Variants in TXNDC5 observed in about 807,000 individuals in gnomAD.
TXNDC5 encodes thioredoxin domain-containing protein 5.
TXNDC5 carries 44 observed loss-of-function variants against 52.6 expected under a neutral mutation model. The observed-to-expected ratio is 0.84, with a 90% CI of 0.66 to 1.08. The LOEUF (loss-of-function observed/expected upper bound fraction) is 1.08. TXNDC5 is among the 50% of genes least tolerant of loss of function. TXNDC5 has a pLI of 0.00. For synonymous variants in TXNDC5, 241 were observed against 234.4 expected (o/e 1.03, Z -0.26); for missense variants, 600 against 565.5 (o/e 1.06, Z -0.62).
At chr6:7,904,332 G>A (rs888960491) in intron 2 of TXNDC5, among the ~76,000 whole-genome samples, 4 of 152,082 alleles carry the variant, frequency 2.6e-5, no homozygotes, top group East Asian at 1.9e-4. Context: ...TGGCGGGACC[G>A]TCATTTTTCT....
At chr6:7,910,378 G>A (rs1379289617) in intron 1 of TXNDC5, 136 bp downstream of exon 1, 7 of 1,029,014 alleles carry the variant, frequency 6.8e-6, no homozygotes, top group Non-Finnish European at 7.3e-6. Flanking sequence ...CGAGCCCCGC[G>A]CCCGTAGCAC....
rs968950944 is a variant in TXNDC5 at position 7,883,030 on chromosome 6, G to A, written c.*114C>T. ...ACACAAAGAAGATACCTCACGCTTAGTATGTTCTGCTTTCTGAACAGCCAC... is the reference window on the plus strand; with the variant it reads ...ACACAAAGAAGATACCTCACGCTTAATATGTTCTGCTTTCTGAACAGCCAC... On this transcript the variant is annotated 3_prime_UTR_variant, in exon 10 of 10. Transcript: ENST00000379757. 50 of 1,427,634 alleles carry A rather than the reference G, an allele frequency of 3.5e-5. No homozygotes were observed. The highest frequency in any genetic ancestry group is 7.4e-5 in the South Asian group (6 of 81,496). The allele number at this position is 1,427,634 out of a possible 1,614,324, so 88.4% of individuals were successfully genotyped here.
chr6:7,887,506 G>A (rs200182614), intron 7 of TXNDC5, among the ~76,000 whole-genome samples: 3 of 128,972 alleles, frequency 2.3e-5, no homozygotes, highest in South Asian at 2.4e-4. Flanking sequence ...CTCCCTCTCC[G>A]CGCTGCACAG....
rs758017006 is a variant in TXNDC5 at position 7,910,519 on chromosome 6, C to A, written c.258G>T (p.Ala86=). ...QSAAHFVMFF[A]PWCGHCQRLQ... Reference sequence around the variant, plus strand: ...GCCGGCCTGCGCGGCGTTACCAGGGCGCGAAGAACATGACGAAGTGCGCGG... The same window carrying A: ...GCCGGCCTGCGCGGCGTTACCAGGGAGCGAAGAACATGACGAAGTGCGCGG... Residue 86 remains alanine, a synonymous_variant, in exon 1 of 10, where the codon GCG becomes GCT. Coordinates refer to ENST00000379757, the MANE Select transcript of TXNDC5 (RefSeq NM_030810.5). 4 of 1,441,942 alleles carry A rather than the reference C, an allele frequency of 2.8e-6. No homozygotes were observed. Among genetic ancestry groups the A allele is most frequent in the South Asian group, 2.6e-5 (2 of 77,906 alleles). The allele number at this position is 1,441,942 out of a possible 1,614,324, so 89.3% of individuals were successfully genotyped here. A position where few individuals can be genotyped will look rare whatever the true frequency, so the allele number is the denominator to read the frequency against.
intron 8 of TXNDC5, among the ~76,000 whole-genome samples, chr6:7,885,554 T>A (rs922561778): frequency 3.9e-5 from 6 of 152,226 alleles, no homozygotes; most frequent in Admixed American, 3.9e-4. Context: ...ATCCGAGTAC[T>A]TAAAAGAACC....
At chr6:7,888,648 T>C in intron 7 of TXNDC5, 57 bp downstream of exon 7, 1 of 1,394,536 alleles carries the variant, frequency 7.2e-7, no homozygotes, top group South Asian at 1.3e-5. Flanking sequence ...GGTGGGGAGG[T>C]GGGGGGCCGG....
At chr6:7,902,072 G>A (rs547865319) in intron 2 of TXNDC5, among the ~76,000 whole-genome samples, 2 of 152,248 alleles carry the variant, frequency 1.3e-5, no homozygotes, top group Middle Eastern at 6.8e-3. Context: ...GACAGAGGAC[G>A]GCAGTGATGC....
Position 7,882,910 on chromosome 6 carries a change from G to A in TXNDC5, c.*234C>T. 1 of 471,624 alleles carries A rather than the reference G, an allele frequency of 2.1e-6. No individual in the cohort carries two copies. Among genetic ancestry groups the A allele is most frequent in the Non-Finnish European group, 3.7e-6 (1 of 271,756 alleles). 29.2% of individuals were successfully genotyped at this position (471,624 alleles called of 1,614,324 possible). Reference sequence around the variant, plus strand: ...AGGTCAAAGGGGATATATCGCCACTGAAAATGTTTACACAGTGACCATGAG... The same window carrying A: ...AGGTCAAAGGGGATATATCGCCACTAAAAATGTTTACACAGTGACCATGAG... On this transcript the variant is annotated 3_prime_UTR_variant, in exon 10 of 10. Coordinates refer to ENST00000379757, the MANE Select transcript of TXNDC5 (RefSeq NM_030810.5).
At chr6:7,892,903 T>C (rs1057509119) in intron 4 of TXNDC5, among the ~76,000 whole-genome samples, 2 of 152,220 alleles carry the variant, frequency 1.3e-5, no homozygotes, top group African/African-American at 4.8e-5. Context: ...AAGTGCCTTC[T>C]TGGAGAAGGG....
chr6:7,891,913 C>A (rs1760204998), intron 4 of TXNDC5, among the ~76,000 whole-genome samples, 177 bp from the exon 5 acceptor site: 1 of 152,194 alleles, frequency 6.6e-6, no homozygotes, highest in Non-Finnish European at 1.5e-5. Flanking sequence ...TTCATGACTT[C>A]ATAACAATAC....
At chr6:7,894,869 C>A in intron 4 of TXNDC5, 1 of 985,408 alleles carries the variant, frequency 1.0e-6, no homozygotes, top group Non-Finnish European at 1.2e-6. Context: ...AGCTAGTGTG[C>A]GGGTCACGTG....
rs1185984719 is a variant in TXNDC5, at chr6:7,891,732, G to C, written c.621C>G (p.Asp207Glu). 1 of 1,613,052 alleles carries C rather than the reference G, an allele frequency of 6.2e-7. No individual in the cohort carries two copies. The highest frequency in any genetic ancestry group is 1.7e-5 in the Admixed American group (1 of 59,978). The change falls in exon 5 of 10, where the codon GAC (aspartate) becomes GAG (glutamate). Residue 207 changes from aspartate to glutamate, a missense_variant. By Grantham distance (45) the Asp-to-Glu change is conservative. Coordinates refer to ENST00000379757, the MANE Select transcript of TXNDC5 (RefSeq NM_030810.5). ...ACGGAGCGAAGAACTTGATAAAGTGGTCGCCTGGAGTGGAGAGCCAAGGCA... is the reference window on the plus strand; with the variant it reads ...ACGGAGCGAAGAACTTGATAAAGTGCTCGCCTGGAGTGGAGAGCCAAGGCA... ...SNFELHVAQG[D>E]HFIKFFAPWC...
At chr6:7,886,136 T>C (rs891108494) in intron 7 of TXNDC5, 93 bp from the exon 8 acceptor site, 3 of 1,141,562 alleles carry the variant, frequency 2.6e-6, no homozygotes, top group African/African-American at 1.6e-5. Flanking sequence ...TCAGTAATTT[T>C]TTAAAAATGC....
At chr6:7,885,583 A>G (rs915533673) in intron 8 of TXNDC5, among the ~76,000 whole-genome samples, 1 of 152,240 alleles carries the variant, frequency 6.6e-6, no homozygotes, top group Admixed American at 6.5e-5. Context: ...AAGCTACATC[A>G]TGACACTCAT....
rs1759886110 is a variant in TXNDC5, at chr6:7,884,447, A to AC, written c.1087_1088insG (p.Leu363ArgfsTer3). 6.2e-7 allele frequency: 1 copy of AC among 1,613,996 alleles called. No individual in the cohort carries two copies. Among genetic ancestry groups the AC allele is most frequent in the African/African-American group, 1.3e-5 (1 of 74,904 alleles). ...CAGACCAGGGAATTCCTTTTTAGAG[A>AC]GTTCCTCCCAAGTAGGAGCCAGAGT... On this transcript the variant is annotated frameshift_variant, in exon 9 of 10. Coordinates refer to ENST00000379757, the MANE Select transcript of TXNDC5 (RefSeq NM_030810.5). LOFTEE classifies it high-confidence loss of function.
At chr6:7,909,693 G>A (rs1760848789) in intron 1 of TXNDC5, 2 of 843,982 alleles carry the variant, frequency 2.4e-6, no homozygotes, top group South Asian at 5.4e-5. Flanking sequence ...GAGCTGCAGG[G>A]GGGCGGAGGG....
At chr6:7,887,317 G>A (rs920072323) in intron 7 of TXNDC5, among the ~76,000 whole-genome samples, 2 of 152,112 alleles carry the variant, frequency 1.3e-5, no homozygotes, top group African/African-American at 2.4e-5. Context: ...ACCTCCTGCC[G>A]CAGCCCCAGG....
At chr6:7,909,163 GT>G in intron 1 of TXNDC5, among the ~76,000 whole-genome samples, 1 of 152,168 alleles carries the variant, frequency 6.6e-6, no homozygotes, top group Non-Finnish European at 1.5e-5. Context: ...TGAATACAAG[GT>G]TAAGAGAAAA....
Position 7,884,406 on chromosome 6 carries a change from C to T in TXNDC5, c.1129G>A (p.Ala377Thr), listed in dbSNP as rs200329311. ...CGTTCAGCAGTGCAGTCTACTTCGG[C>T]GATCTTGACCCCCGCCAGACCAGGG... ...EFPGLAGVKIAEVDCTAERNI... is the reference protein window; with the variant it reads ...EFPGLAGVKITEVDCTAERNI... The change falls in exon 9 of 10, where the codon GCC (alanine) becomes ACC (threonine). Residue 377 changes from alanine to threonine, a missense_variant. Coordinates refer to ENST00000379757, the MANE Select transcript of TXNDC5 (RefSeq NM_030810.5). 50 of 1,614,028 alleles carry T rather than the reference C, an allele frequency of 3.1e-5. No individual in the cohort carries two copies. The highest frequency in any genetic ancestry group is 5.0e-5 in the Admixed American group (3 of 60,008).
Sources: allele counts gnomAD v4.1 joint callset (sites outside exome capture counted in the v4.1 genomes callset), GRCh38; gene constraint gnomAD v4.1.1; transcripts MANE v1.5; gene names NCBI Gene and HGNC (gene_info 2026-07-23, HGNC 2026-07-21).